Variants in DLG2 observed in about 807,000 individuals in gnomAD.
DLG2 encodes discs large MAGUK scaffold protein 2, also known as disks large homolog 2.
Under a neutral mutation model 132.5 loss-of-function variants are expected in DLG2, and 45 were observed. The ratio of observed to expected loss-of-function variants is 0.34; its 90% confidence interval spans 0.27 to 0.44. DLG2 has a LOEUF of 0.44. Among genes scored for constraint, DLG2 ranks in the 20% least tolerant of loss-of-function variants. The probability of loss-of-function intolerance (pLI) is 1.00; values close to 1 mark genes in which losing one functional copy is unlikely to be tolerated. For missense variants in DLG2, 1,045 were observed against 1,196.9 expected, an observed-to-expected ratio of 0.87 and a Z score of 1.87; for synonymous variants, 424 against 419.6, an observed-to-expected ratio of 1.01 and a Z score of -0.13.
chr11:84,265,483 C>G (rs755917824), intron 7 of DLG2, among the ~76,000 whole-genome samples: 3 of 152,110 alleles, frequency 2.0e-5, no homozygotes, highest in Non-Finnish European at 4.4e-5. Flanking sequence ...AGAATAAAAA[C>G]TGAACTCGGA....
At chr11:84,830,408 C>A in intron 6 of DLG2, among the ~76,000 whole-genome samples, 1 of 145,700 alleles carries the variant, frequency 6.9e-6, no homozygotes, top group Admixed American at 7.0e-5. Context: ...CTTAAAGGAA[C>A]AGGCAGAAGC....
chr11:84,175,680 T>C (rs1176022554), intron 8 of DLG2, among the ~76,000 whole-genome samples: 1 of 152,108 alleles, frequency 6.6e-6, no homozygotes, highest in African/African-American at 2.4e-5. Flanking sequence ...TTTCATCCCA[T>C]TTAAAAAGCA....
chr11:84,770,758 G>T (rs966943527), intron 6 of DLG2, among the ~76,000 whole-genome samples: 7 of 150,416 alleles, frequency 4.7e-5, no homozygotes, highest in Non-Finnish European at 8.8e-5. Flanking sequence ...CCATTCTCCT[G>T]CCTCAGCCTC....
intron 19 of DLG2, among the ~76,000 whole-genome samples, chr11:83,614,468 C>T (rs1016832619): frequency 2.0e-5 from 3 of 152,164 alleles, no homozygotes; most frequent in Non-Finnish European, 2.9e-5. Context: ...CCTATAATCT[C>T]GGCACTTTGG....
chr11:83,658,314 T>G (rs1357538645), intron 18 of DLG2, among the ~76,000 whole-genome samples: 1 of 152,210 alleles, frequency 6.6e-6, no homozygotes, highest in Non-Finnish European at 1.5e-5. Context: ...AAAAAGTGCT[T>G]CTTTACTGTA....
Position 85,598,655 on chromosome 11 carries a change from AC to A in DLG2, c.40+1del, listed in dbSNP as rs2079949685. On this transcript the variant is annotated splice_donor_variant, in intron 3 of 27. Coordinates refer to ENST00000376104, the MANE Select transcript of DLG2 (RefSeq NM_001142699.3). LOFTEE classifies it high-confidence loss of function. ...ATGATGAATAACTTTCATAATACAT[AC>A]CTAGCAAAGCTTGGAATAAGCTGCT... The A allele has an allele frequency of 1.9e-6, 3 of 1,567,000 alleles. No individual in the cohort carries two copies. Among genetic ancestry groups the A allele is most frequent in the Non-Finnish European group, 2.6e-6 (3 of 1,159,400 alleles).
Position 85,481,174 on chromosome 11 carries a change from G to T in DLG2, c.40+117483C>A, listed in dbSNP as rs11820534. ...CCCCATTCAGTTTCCTTCTGGAAAG[G>T]TTTGTGTTTATGTTCGGTATCTACA... On this transcript the variant is annotated intron_variant, in intron 3 of 27. Coordinates refer to ENST00000376104, the MANE Select transcript of DLG2 (RefSeq NM_001142699.3). Among the ~76,000 whole-genome samples, 1,485 of 151,922 alleles carry T rather than the reference G, an allele frequency of 9.8e-3. 22 individuals are homozygous for T. Among genetic ancestry groups the T allele is most frequent in the African/African-American group, 0.032 (1,326 of 41,400 alleles).
intron 7 of DLG2, among the ~76,000 whole-genome samples, chr11:84,429,339 G>A (rs1444613308): frequency 6.6e-6 from 1 of 152,164 alleles, no homozygotes; most frequent in Non-Finnish European, 1.5e-5. Context: ...GGAGGAATCT[G>A]CTTGCAGATG....
chr11:85,321,872 T>G (rs912506640), intron 3 of DLG2, among the ~76,000 whole-genome samples: 1 of 151,910 alleles, frequency 6.6e-6, no homozygotes, highest in East Asian at 1.9e-4. Context: ...GGAAAAGAGA[T>G]GCAGACAGTA....
rs190574552 is a variant in DLG2, at chr11:85,183,792, G to A, written c.187-29141C>T. 2.4e-3 allele frequency among the ~76,000 whole-genome samples: 359 copies of A among 151,870 alleles called. 1 individual carries two copies. Among genetic ancestry groups the A allele is most frequent in the African/African-American group, 8.1e-3 (335 of 41,464 alleles). ...AGAAAACAGGCTGCCCTATTTCTAG[G>A]TTCATTATCTTAGCTGGAACTCCAT... On this transcript the variant is annotated intron_variant, in intron 4 of 27. Coordinates refer to ENST00000376104, the MANE Select transcript of DLG2 (RefSeq NM_001142699.3).
intron 19 of DLG2, among the ~76,000 whole-genome samples, chr11:83,614,394 A>G (rs2060511190): frequency 6.6e-6 from 1 of 152,170 alleles, no homozygotes; most frequent in Non-Finnish European, 1.5e-5. Flanking sequence ...AGTCATGCGC[A>G]TGGGCAACTG....
At chr11:85,128,753 A>G (rs2075399771) in intron 5 of DLG2, among the ~76,000 whole-genome samples, 1 of 152,168 alleles carries the variant, frequency 6.6e-6, no homozygotes, top group South Asian at 2.1e-4. Flanking sequence ...AGGGAATTCC[A>G]TTATATAAAA....
rs181211379 is a variant in DLG2, at chr11:84,051,535, A to G, written c.919+7780T>C. On this transcript the variant is annotated intron_variant, in intron 11 of 27. Coordinates refer to ENST00000376104, the MANE Select transcript of DLG2 (RefSeq NM_001142699.3). The stretch of plus-strand genomic sequence containing the variant: ...AAACTATCGCAAGGACAAAATACCA[A>G]ACACTGCATGTTCTCACTCATAGGT... Among the ~76,000 whole-genome samples, 5 of 150,818 alleles carry G rather than the reference A, an allele frequency of 3.3e-5. No individual in the cohort carries two copies. In the East Asian group the frequency reaches 9.9e-4, roughly 30 times the overall value.
At chr11:83,766,060 A>T (rs1055812285) in intron 18 of DLG2, among the ~76,000 whole-genome samples, 8 of 150,716 alleles carry the variant, frequency 5.3e-5, no homozygotes, top group African/African-American at 2.0e-4. Context: ...AGCAATATGA[A>T]TATTAAAACT....
At chr11:85,394,854 C>T (rs942476616) in intron 3 of DLG2, among the ~76,000 whole-genome samples, 1 of 152,182 alleles carries the variant, frequency 6.6e-6, no homozygotes, top group Non-Finnish European at 1.5e-5. Context: ...AGTGTAAGAA[C>T]ATGTGAACCT....
chr11:85,194,048 A>T (rs988155903), intron 4 of DLG2, among the ~76,000 whole-genome samples: 1 of 152,242 alleles, frequency 6.6e-6, no homozygotes, highest in African/African-American at 2.4e-5. Context: ...CAGTGGATTT[A>T]GTTTCAAGAT....
chr11:85,492,185 C>T (rs1418901009), intron 3 of DLG2, among the ~76,000 whole-genome samples: 2 of 152,172 alleles, frequency 1.3e-5, no homozygotes, highest in Non-Finnish European at 2.9e-5. Flanking sequence ...AGCCATGCCA[C>T]ATATGCATAT....
intron 6 of DLG2, among the ~76,000 whole-genome samples, chr11:84,785,851 C>T (rs1288892867): frequency 6.6e-6 from 1 of 151,958 alleles, no homozygotes; most frequent in Non-Finnish European, 1.5e-5. Flanking sequence ...TGATGACACT[C>T]CATATCTTGG....
At chr11:85,207,589 A>G (rs2081981175) in intron 4 of DLG2, among the ~76,000 whole-genome samples, 1 of 152,180 alleles carries the variant, frequency 6.6e-6, no homozygotes, top group Non-Finnish European at 1.5e-5. Context: ...TGCTTGGCAC[A>G]TAGACCCATT....
Sources: allele counts gnomAD v4.1 joint callset (sites outside exome capture counted in the v4.1 genomes callset), GRCh38; gene constraint gnomAD v4.1.1; transcripts MANE v1.5; gene names NCBI Gene and HGNC (gene_info 2026-07-23, HGNC 2026-07-21).